Variants in KCND3 observed in about 807,000 individuals in gnomAD.
KCND3 encodes A-type voltage-gated potassium channel KCND3.
Under a neutral mutation model 51.1 loss-of-function variants are expected in KCND3, and 9 were observed. The ratio of observed to expected loss-of-function variants is 0.18; its 90% confidence interval spans 0.11 to 0.31. The LOEUF is 0.31. Ranked by LOEUF, KCND3 falls within the 10% of genes least tolerant of loss-of-function variation. The pLI, the probability that KCND3 is intolerant of heterozygous loss-of-function variation, is 1.00. For synonymous variants in KCND3, 349 were observed against 368.0 expected (o/e 0.95, Z 0.59); for missense variants, 526 against 903.8 (o/e 0.58, Z 5.36).
intron 2 of KCND3, among the ~76,000 whole-genome samples, chr1:111,857,548 G>A (rs1382233140): frequency 6.6e-6 from 1 of 152,174 alleles, no homozygotes; most frequent in Non-Finnish European, 1.5e-5. Flanking sequence ...GAAGAACAGT[G>A]TGGTGATTGT....
intron 2 of KCND3, among the ~76,000 whole-genome samples, chr1:111,902,078 G>A (rs1486256371): frequency 6.6e-6 from 1 of 152,156 alleles, no homozygotes; most frequent in Non-Finnish European, 1.5e-5. Context: ...GCCCCCTCCG[G>A]CCTCACTCAG....
At chr1:111,855,858 C>T (rs1348498976) in intron 2 of KCND3, among the ~76,000 whole-genome samples, 1 of 152,162 alleles carries the variant, frequency 6.6e-6, no homozygotes, top group Non-Finnish European at 1.5e-5. Context: ...TCTAGGCTAA[C>T]TGGATGAGGG....
At chr1:111,912,608 G>A (rs1269189432) in intron 2 of KCND3, among the ~76,000 whole-genome samples, 2 of 152,194 alleles carry the variant, frequency 1.3e-5, no homozygotes, top group African/African-American at 4.8e-5. Context: ...CTCCATGCAT[G>A]TTATTGCCCC....
intron 6 of KCND3, 122 bp from the exon 7 acceptor site, chr1:111,777,395 C>G (rs1240831181): frequency 3.9e-6 from 4 of 1,030,792 alleles, no homozygotes; most frequent in Non-Finnish European, 6.0e-6. Context: ...CCCAGCTGCC[C>G]GGATCACAGA....
At chr1:111,832,683 G>A (rs10857908) in intron 2 of KCND3, among the ~76,000 whole-genome samples, 3 of 151,660 alleles carry the variant, frequency 2.0e-5, no homozygotes, top group African/African-American at 4.9e-5. Context: ...GTGTGTCCCC[G>A]CTCCCCACCC....
rs1478961720 is a variant in KCND3 at position 111,774,739 on chromosome 1, G to GT, written c.*1337dup. On this transcript the variant is annotated 3_prime_UTR_variant, in exon 8 of 8. Coordinates refer to ENST00000302127, the MANE Select transcript of KCND3 (RefSeq NM_001378969.1). ...AGGCTTACCCTTCCACAGCCTCTGTGTGGGAGTTGCCTCTGGTTTGATATA... is the reference window on the plus strand; with the variant it reads ...AGGCTTACCCTTCCACAGCCTCTGTGTTGGGAGTTGCCTCTGGTTTGATATA... 2 of 152,192 alleles carry GT rather than the reference G, an allele frequency of 1.3e-5. No homozygotes were observed. The highest frequency in any genetic ancestry group is 4.8e-5 in the African/African-American group (2 of 41,438). 9.4% of individuals were successfully genotyped at this position (152,192 alleles called of 1,614,324 possible).
chr1:111,871,568 T>C (rs1668828861), intron 2 of KCND3, among the ~76,000 whole-genome samples: 1 of 152,044 alleles, frequency 6.6e-6, no homozygotes, highest in African/African-American at 2.4e-5. Flanking sequence ...GTTTAATGGA[T>C]TGTAAGGAAT....
At chr1:111,937,630 G>A (rs1672286479) in intron 2 of KCND3, among the ~76,000 whole-genome samples, 1 of 152,208 alleles carries the variant, frequency 6.6e-6, no homozygotes, top group South Asian at 2.1e-4. Context: ...AAGACAGGCA[G>A]GCATAAAACA....
rs756541806 is a variant in KCND3, at chr1:111,777,323, G to C, written c.1519-50C>G. The C allele has an allele frequency of 3.1e-6, 5 of 1,593,670 alleles. No individual in the cohort carries two copies. The Admixed American group carries it at 8.3e-5, about 27-fold the overall frequency. ...GTAGGAAAAGGAGGTAGGGAGGAGA[G>C]AGGTAAGCCCCTATACTCTGTATGG... On this transcript the variant is annotated intron_variant, in intron 6 of 7. Transcript: ENST00000302127.
chr1:111,781,626 T>C (rs894607676), intron 3 of KCND3, among the ~76,000 whole-genome samples: 1 of 152,166 alleles, frequency 6.6e-6, no homozygotes, highest in Non-Finnish European at 1.5e-5. Flanking sequence ...TTCAAGCAAT[T>C]CTCCTGCCTC....
intron 2 of KCND3, among the ~76,000 whole-genome samples, chr1:111,808,502 C>T (rs891690763): frequency 1.7e-4 from 26 of 152,174 alleles, no homozygotes; most frequent in African/African-American, 6.3e-4. Context: ...GGTATTGCTC[C>T]GAGGAAAAGG....
chr1:111,898,474 C>T (rs570395254), intron 2 of KCND3, among the ~76,000 whole-genome samples: 4 of 152,268 alleles, frequency 2.6e-5, no homozygotes, highest in South Asian at 2.1e-4. Flanking sequence ...TGGTGGTGCA[C>T]GTGGCCATCT....
At chr1:111,914,641 C>T (rs1258515821) in intron 2 of KCND3, among the ~76,000 whole-genome samples, 1 of 152,034 alleles carries the variant, frequency 6.6e-6, no homozygotes, top group Non-Finnish European at 1.5e-5. Context: ...AGGAAAAAAA[C>T]CTGCCAACCC....
intron 2 of KCND3, among the ~76,000 whole-genome samples, chr1:111,887,392 C>A (rs921531518): frequency 1.3e-5 from 2 of 152,064 alleles, no homozygotes; most frequent in African/African-American, 4.8e-5. Flanking sequence ...AGTAAGAGAA[C>A]AATTTGGTGG....
intron 2 of KCND3, among the ~76,000 whole-genome samples, chr1:111,800,733 C>T (rs1010919206): frequency 2.0e-5 from 3 of 152,184 alleles, no homozygotes; most frequent in Non-Finnish European, 4.4e-5. Context: ...AAGCCACTTG[C>T]CCCCTGCCTA....
rs1312751861 is a variant in KCND3 at position 111,982,935 on chromosome 1, C to T, written c.-72-137G>A. The T allele has an allele frequency of 1.5e-6, 1 of 671,500 alleles. No individual in the cohort carries two copies. Among genetic ancestry groups the T allele is most frequent in the African/African-American group, 1.8e-5 (1 of 55,634 alleles). The allele number at this position is 671,500 out of a possible 1,614,324, so 41.6% of individuals were successfully genotyped here. A position where few individuals can be genotyped will look rare whatever the true frequency, so the allele number is the denominator to read the frequency against. On this transcript the variant is annotated intron_variant, in intron 1 of 7. Transcript: ENST00000302127. This position sits in a 1 kb window ranked among gnomAD's most constrained non-coding sequence, Gnocchi z 8.5. ...CAGATTAATAAAACTGAAATCCCCACCACAGAGAGGGGACTTGATTCTTTG... is the reference window on the plus strand; with the variant it reads ...CAGATTAATAAAACTGAAATCCCCATCACAGAGAGGGGACTTGATTCTTTG...
intron 2 of KCND3, among the ~76,000 whole-genome samples, chr1:111,961,630 G>A (rs745987842): frequency 6.6e-6 from 1 of 152,138 alleles, no homozygotes; most frequent in Non-Finnish European, 1.5e-5. Context: ...GGTGTGCATC[G>A]TGGGATGGGA....
At chr1:111,866,263 C>CTTTTTTTTTTTTTTT (rs11399761) in intron 2 of KCND3, among the ~76,000 whole-genome samples, 37 of 54,212 alleles carry the variant, frequency 6.8e-4, no homozygotes, top group East Asian at 1.2e-3. Context: ...CTTTTCTTTT[C>CTTTTTTTTTTTTTTT]TTTTTTTTTT....
At chr1:111,811,360 A>C (rs1206563314) in intron 2 of KCND3, among the ~76,000 whole-genome samples, 1 of 152,222 alleles carries the variant, frequency 6.6e-6, no homozygotes, top group Non-Finnish European at 1.5e-5. Context: ...GAATTTAGAC[A>C]AAACCAGAAA....
Sources: allele counts gnomAD v4.1 joint callset (sites outside exome capture counted in the v4.1 genomes callset), GRCh38; gene constraint gnomAD v4.1.1; non-coding constraint Gnocchi (gnomAD v3.1); transcripts MANE v1.5; gene names NCBI Gene and HGNC (gene_info 2026-07-23, HGNC 2026-07-21).